The following SULT1B1 variants were observed in gnomAD, a reference collection of about 807,000 sequenced individuals.
SULT1B1 encodes the protein sulfotransferase family 1B member 1, also known as sulfotransferase 1B1.
SULT1B1 carries 28 observed loss-of-function variants against 34.6 expected under a neutral mutation model. The ratio of observed to expected loss-of-function variants is 0.81; its 90% CI spans 0.60 to 1.11. The LOEUF (loss-of-function observed/expected upper bound fraction) is 1.11, where lower values mean the gene tolerates loss of function less well. Ranked by LOEUF, SULT1B1 falls within the 50% of genes least tolerant of loss-of-function variation. The pLI is 0.00. For synonymous variants in SULT1B1, 147 were observed against 110.2 expected (o/e 1.33, Z -2.09); for missense variants, 374 against 352.2 (o/e 1.06, Z -0.50).
At chr4:69,735,360 A>T (rs1432552104) in intron 4 of SULT1B1, among the ~76,000 whole-genome samples, 1 of 152,222 alleles carries the variant, frequency 6.6e-6, no homozygotes, top group African/African-American at 2.4e-5. Context: ...TGGTCAAAGG[A>T]TTAGGAAAGA....
rs541502848 is a variant in SULT1B1, at chr4:69,738,186, C to T, written c.376-3922G>A. On this transcript the variant is annotated intron_variant, in intron 4 of 7. Transcript: ENST00000310613. ...GCTGCATCCATGTTGCTGCAGAAAA[C>T]ATGATTTCCTTTTCCTTATGGCTGT... 1.1e-4 allele frequency among the ~76,000 whole-genome samples: 16 copies of T among 152,322 alleles called. No homozygotes were observed. The East Asian group carries it at 3.1e-3, about 29-fold the overall frequency.
chr4:69,748,164 C>A (rs934934965), intron 4 of SULT1B1, among the ~76,000 whole-genome samples: 1 of 151,876 alleles, frequency 6.6e-6, no homozygotes, highest in African/African-American at 2.4e-5. Context: ...GACAATGATA[C>A]GTTGAGAGTA....
chr4:69,737,981 G>A (rs1466911147), intron 4 of SULT1B1, among the ~76,000 whole-genome samples: 3 of 152,150 alleles, frequency 2.0e-5, no homozygotes, highest in African/African-American at 7.2e-5. Flanking sequence ...CATATTACCT[G>A]ATAGGCAGTT....
chr4:69,759,455 G>A (rs1283288566), intron 1 of SULT1B1, among the ~76,000 whole-genome samples: 4 of 152,168 alleles, frequency 2.6e-5, no homozygotes, highest in African/African-American at 4.8e-5. Flanking sequence ...AATTGTTGCC[G>A]GAGAAGGATG....
chr4:69,751,913 T>C (rs918635435), intron 3 of SULT1B1, among the ~76,000 whole-genome samples: 7 of 152,222 alleles, frequency 4.6e-5, no homozygotes, highest in African/African-American at 1.7e-4. Flanking sequence ...CTGTCACTTT[T>C]TCATTTCATA....
At chr4:69,750,186 A>G (rs1214874553) in intron 3 of SULT1B1, among the ~76,000 whole-genome samples, 1 of 152,164 alleles carries the variant, frequency 6.6e-6, no homozygotes, top group East Asian at 1.9e-4. Flanking sequence ...GACTATTTAA[A>G]TGTTTTCTTC....
Position 69,737,685 on chromosome 4 carries a change from A to G in SULT1B1, c.376-3421T>C, listed in dbSNP as rs181068130. Among the ~76,000 whole-genome samples, 148 of 152,304 alleles carry G rather than the reference A, an allele frequency of 9.7e-4. 1 individual carries two copies. The highest frequency in any genetic ancestry group is 3.4e-3 in the African/African-American group (141 of 41,574). ...TATATTTATGGCAATAGCTAAAGCA[A>G]TCACTAAGAAAACTATACAAAAATA... On this transcript the variant is annotated intron_variant, in intron 4 of 7. Coordinates refer to ENST00000310613, the MANE Select transcript of SULT1B1 (RefSeq NM_014465.4).
chr4:69,743,935 G>C (rs565913963), intron 4 of SULT1B1, among the ~76,000 whole-genome samples: 16 of 152,272 alleles, frequency 1.1e-4, no homozygotes, highest in African/African-American at 3.9e-4. Context: ...ATGGGTGGCT[G>C]CAGATGTTCC....
intron 1 of SULT1B1, among the ~76,000 whole-genome samples, chr4:69,757,918 G>A (rs1410249082): frequency 1.3e-5 from 2 of 152,160 alleles, no homozygotes; most frequent in African/African-American, 4.8e-5. Flanking sequence ...AAATAGATTA[G>A]ACACAATCAA....
intron 3 of SULT1B1, among the ~76,000 whole-genome samples, chr4:69,750,807 A>G (rs1254312851): frequency 6.6e-6 from 1 of 152,210 alleles, no homozygotes; most frequent in Non-Finnish European, 1.5e-5. Context: ...TGGAGATTTC[A>G]TAAGAACAGA....
At chr4:69,759,167 A>G (rs1719302816) in intron 1 of SULT1B1, among the ~76,000 whole-genome samples, 1 of 152,230 alleles carries the variant, frequency 6.6e-6, no homozygotes, top group African/African-American at 2.4e-5. Context: ...CCCTGAAATG[A>G]TAAGTCTTAC....
chr4:69,737,722 A>G (rs139991456), intron 4 of SULT1B1, among the ~76,000 whole-genome samples: 1 of 152,304 alleles, frequency 6.6e-6, no homozygotes, highest in African/African-American at 2.4e-5. Context: ...ATTCAAAAAT[A>G]TTATAAATAA....
intron 4 of SULT1B1, among the ~76,000 whole-genome samples, chr4:69,743,707 A>G (rs1437840014): frequency 2.0e-5 from 3 of 152,152 alleles, no homozygotes; most frequent in African/African-American, 7.2e-5. Context: ...GAGGGGACCC[A>G]GGGGGCTGGT....
intron 4 of SULT1B1, among the ~76,000 whole-genome samples, chr4:69,737,944 A>T (rs2110021611): frequency 6.6e-6 from 1 of 152,238 alleles, no homozygotes. Context: ...TTTTGTGTAC[A>T]AATGATTTCG....
At position 69,727,146 on chromosome 4, in the gene SULT1B1, T is replaced by C. The variant is rs758123563; in HGVS notation, c.833A>G (p.Asp278Gly). The C allele has an allele frequency of 1.9e-6, 3 of 1,611,964 alleles. No homozygotes were observed. Among genetic ancestry groups the C allele is most frequent in the Admixed American group, 1.7e-5 (1 of 59,752 alleles). Reference sequence around the variant, plus strand: ...GGACATTTCTGTCTCATAAATAGCATCAAATTTCTCATTTTGGGCCACGGT... The same window carrying C: ...GGACATTTCTGTCTCATAAATAGCACCAAATTTCTCATTTTGGGCCACGGT... ...YFTVAQNEKF[D>G]AIYETEMSKT... The change falls in exon 8 of 8, where the codon GAT (aspartate) becomes GGT (glycine). Residue 278 changes from aspartate (D) to glycine (G), a missense_variant. Transcript: ENST00000310613.
At chr4:69,752,489 T>A (rs1025708958) in intron 3 of SULT1B1, among the ~76,000 whole-genome samples, 11 of 152,318 alleles carry the variant, frequency 7.2e-5, no homozygotes, top group African/African-American at 2.6e-4. Context: ...CTTAATTAAA[T>A]AAAACTTGGA....
At chr4:69,758,892 A>G (rs1269181782) in intron 1 of SULT1B1, among the ~76,000 whole-genome samples, 5 of 152,188 alleles carry the variant, frequency 3.3e-5, no homozygotes, top group African/African-American at 9.7e-5. Flanking sequence ...CAGTCCATGT[A>G]CAAGCCCCAT....
chr4:69,752,615 T>A (rs1474797510), intron 3 of SULT1B1, among the ~76,000 whole-genome samples: 4 of 152,188 alleles, frequency 2.6e-5, no homozygotes, highest in African/African-American at 9.7e-5. Context: ...ATTGAATATA[T>A]TTTTTAAACA....
chr4:69,721,691 T>G lies in SULT1B1; in HGVS notation c.*5397A>C, dbSNP rs1420485720. The G allele has an allele frequency of 1.3e-5, 2 of 152,114 alleles. No homozygotes were observed. Among genetic ancestry groups the G allele is most frequent in the African/African-American group, 2.4e-5 (1 of 41,448 alleles). 9.4% of individuals were successfully genotyped at this position (152,114 alleles called of 1,614,324 possible). ...ATAGGGTGGATTGAAAGGGAATACA[T>G]GACACTTCCCTTTGAATGTATGAAT... On this transcript the variant is annotated 3_prime_UTR_variant, in exon 8 of 8. Coordinates refer to ENST00000310613, the MANE Select transcript of SULT1B1 (RefSeq NM_014465.4).
Sources: gnomAD v4.1 joint callset for allele counts (sites outside exome capture counted in the v4.1 genomes callset) on GRCh38, gnomAD v4.1.1 for gene constraint, MANE v1.5 for transcripts, NCBI Gene and HGNC (gene_info 2026-07-23, HGNC 2026-07-21) for gene names.